The following ZNF518A variants were observed in gnomAD, a reference collection of about 807,000 sequenced individuals.
ZNF518A encodes zinc finger protein 518.
Under a neutral mutation model 102.7 loss-of-function variants are expected in ZNF518A, and 47 were observed. The observed-to-expected ratio is 0.46, with a 90% CI of 0.36 to 0.58. The LOEUF (loss-of-function observed/expected upper bound fraction) is 0.58. Among genes scored for constraint, ZNF518A ranks in the 20% least tolerant of loss-of-function variants. The probability of loss-of-function intolerance (pLI) is 0.00; values close to 1 mark genes in which losing one functional copy is unlikely to be tolerated. For synonymous variants in ZNF518A, 652 were observed against 594.6 expected (o/e 1.10, Z -1.40); for missense variants, 1,793 against 1,699.8 (o/e 1.05, Z -0.96).
chr10:96,160,277 C>T lies in ZNF518A; in HGVS notation c.3955C>T (p.Leu1319Phe). Residue 1319 changes from leucine (L) to phenylalanine (F), a missense_variant, in exon 6 of 6, where the codon CTT (leucine) becomes TTT (phenylalanine). Transcript: ENST00000316045. Reference sequence around the variant, plus strand: ...AACATTTGGATTTAGCAGACCTAGGCTTTCAAAAGATTCCATCAGAACTTT... The same window carrying T: ...AACATTTGGATTTAGCAGACCTAGGTTTTCAAAAGATTCCATCAGAACTTT... ...RETFGFSRPR[L>F]SKDSIRTLRL... is the part of the protein sequence containing the mutation. The T allele has an allele frequency of 2.5e-6, 4 of 1,613,590 alleles. No homozygotes were observed. Among genetic ancestry groups the T allele is most frequent in the Non-Finnish European group, 3.4e-6 (4 of 1,179,690 alleles).
At chr10:96,167,529 A>G (rs975590700), downstream of ZNF518A, among the ~76,000 whole-genome samples, 1 of 152,214 alleles carries the variant, frequency 6.6e-6, no homozygotes, top group Non-Finnish European at 1.5e-5. Flanking sequence ...TGTCTCACCA[A>G]GTAGAGAACA....
intron 1 of ZNF518A, among the ~76,000 whole-genome samples, chr10:96,182,407 G>A (rs370354305): frequency 4.6e-5 from 7 of 152,310 alleles, no homozygotes; most frequent in East Asian, 3.9e-4. Flanking sequence ...CCTGTCTTGT[G>A]CCAGTTTTCA....
downstream of ZNF518A, chr10:96,204,389 C>T (rs1178916985): frequency 1.2e-5 from 12 of 1,009,002 alleles, no homozygotes; most frequent in Middle Eastern, 2.0e-4. Context: ...TGCTCAACAC[C>T]TTTTAACACG....
chr10:96,170,393 C>T (rs2083166721), intron 1 of ZNF518A, among the ~76,000 whole-genome samples: 1 of 152,130 alleles, frequency 6.6e-6, no homozygotes, highest in African/African-American at 2.4e-5. Flanking sequence ...TTCCAGGGAG[C>T]CACCAGACAG....
chr10:96,156,144 C>G (rs587741686), intron 5 of ZNF518A, 53 bp from the exon 6 acceptor site: 7 of 469,506 alleles, frequency 1.5e-5, no homozygotes, highest in African/African-American at 4.0e-5. Flanking sequence ...CTTACAGATA[C>G]GAATTTACTA....
At chr10:96,186,121 G>A (rs1246703151) in intron 1 of ZNF518A, among the ~76,000 whole-genome samples, 1 of 152,206 alleles carries the variant, frequency 6.6e-6, no homozygotes, top group Non-Finnish European at 1.5e-5. Flanking sequence ...TCCTGGTACA[G>A]TCTGTCACAG....
At position 96,156,612 on chromosome 10, in the gene ZNF518A, C is replaced by T; in HGVS notation, c.290C>T (p.Thr97Ile). 6.2e-7 allele frequency: 1 copy of T among 1,613,648 alleles called. No homozygotes were observed. The highest frequency in any genetic ancestry group is 1.1e-5 in the South Asian group (1 of 91,076). ...ACTGTAAGCTGTGTAGAGGAGTGTA[C>T]ATTGCTTCATAAGTCTGAGAGAGCT... The part of the protein sequence containing the change: ...IKTVSCVEEC[T>I]LLHKSERAEE... Residue 97 changes from threonine (T) to isoleucine (I), a missense_variant, in exon 6 of 6, where the codon ACA becomes ATA. Around this residue, in one of 3 missense-constraint regions of ZNF518A, gnomAD observed 1,741 missense variants for 1,622.6 expected, o/e 1.07. Transcript: ENST00000316045.
At chr10:96,142,346 G>A (rs1285423439) in intron 3 of ZNF518A, among the ~76,000 whole-genome samples, 1 of 138,506 alleles carries the variant, frequency 7.2e-6, no homozygotes, top group African/African-American at 2.9e-5. Flanking sequence ...GTGTGTGTGT[G>A]TGTGTGTGTT....
Position 96,159,173 on chromosome 10 carries a change from C to T in ZNF518A, c.2851C>T (p.Pro951Ser), listed in dbSNP as rs782101968. 1 of 1,613,734 alleles carries T rather than the reference C, an allele frequency of 6.2e-7. No individual in the cohort carries two copies. Among genetic ancestry groups the T allele is most frequent in the South Asian group, 1.1e-5 (1 of 91,052 alleles). Residue 951 changes from proline (P) to serine (S), a missense_variant, in exon 6 of 6, where the codon CCA becomes TCA. Physicochemically the swap from Pro to Ser is moderately conservative, Grantham distance 74. Around this residue, in one of 3 missense-constraint regions of ZNF518A, gnomAD observed 1,741 missense variants for 1,622.6 expected, o/e 1.07. Coordinates refer to ENST00000316045, the MANE Select transcript of ZNF518A (RefSeq NM_001330736.2). ...PLNITNKPGL[P>S]VIPGNALPLV... ...GAACATTACTAACAAGCCTGGGCTA[C>T]CAGTTATTCCTGGAAATGCACTTCC...
intron 1 of ZNF518A, among the ~76,000 whole-genome samples, chr10:96,178,687 A>G (rs919386904): frequency 6.6e-6 from 1 of 152,062 alleles, no homozygotes; most frequent in African/African-American, 2.4e-5. Context: ...AAAGGTCAAT[A>G]AAATTGATAA....
At chr10:96,167,589 A>G (rs1251124830), downstream of ZNF518A, among the ~76,000 whole-genome samples, 3 of 152,210 alleles carry the variant, frequency 2.0e-5, no homozygotes, top group African/African-American at 7.2e-5. Flanking sequence ...CTGGAGTTGA[A>G]AAGTACAATA....
At chr10:96,150,600 C>T (rs2082391196) in intron 3 of ZNF518A, among the ~76,000 whole-genome samples, 1 of 150,094 alleles carries the variant, frequency 6.7e-6, no homozygotes, top group Admixed American at 6.6e-5. Context: ...CATTATTCCT[C>T]CCGCATCTAC....
At chr10:96,204,096 A>G in exon 3 of ZNF518A, 1 of 1,613,834 alleles carries the variant, frequency 6.2e-7, no homozygotes, top group Non-Finnish European at 8.5e-7. Context: ...TGTCTGCAAG[A>G]AAGAATTTCA....
rs1292373641 is a variant in ZNF518A, at chr10:96,130,384, C to T, written c.-821C>T. 1.3e-5 allele frequency among the ~76,000 whole-genome samples: 2 copies of T among 152,224 alleles called. No homozygotes were observed. The highest frequency in any genetic ancestry group is 2.4e-5 in the African/African-American group (1 of 41,458). ...CTAGAGCTTACCCTTACTTTCTTAA[C>T]CTGGGGTTGTTTTACTTCCGGGCTT... On this transcript the variant is annotated 5_prime_UTR_variant, in exon 1 of 6. Transcript: ENST00000316045.
In ZNF518A at chr10:96,157,605, T is replaced by A; in HGVS notation, c.1283T>A (p.Met428Lys). Residue 428 changes from methionine (M) to lysine (K), a missense_variant, in exon 6 of 6, where the codon ATG becomes AAG. Physicochemically the swap from Met to Lys is moderately conservative, Grantham distance 95. Transcript: ENST00000316045. ...AVLGPTLKNV[M>K]MKNNKLAVSP... ...CTAGGACCTACACTGAAAAATGTAA[T>A]GATGAAAAATAATAAACTAGCAGTT... 3.1e-6 allele frequency: 5 copies of A among 1,613,830 alleles called. No individual in the cohort carries two copies. Among genetic ancestry groups the A allele is most frequent in the Non-Finnish European group, 4.2e-6 (5 of 1,179,796 alleles).
chr10:96,142,472 CAGA>C (rs1192166214), intron 3 of ZNF518A, among the ~76,000 whole-genome samples: 1 of 151,970 alleles, frequency 6.6e-6, no homozygotes, highest in East Asian at 1.9e-4. Context: ...CCTGTATCTG[CAGA>C]AGAAGGATTG....
In ZNF518A at chr10:96,158,857, T is replaced by A; in HGVS notation, c.2535T>A (p.Ser845Arg). Residue 845 changes from serine (S) to arginine (R), a missense_variant, in exon 6 of 6, where the codon AGT (serine) becomes AGA (arginine). Physicochemically the swap from Ser to Arg is moderately radical, Grantham distance 110. Around this residue, in one of 3 missense-constraint regions of ZNF518A, gnomAD observed 1,741 missense variants for 1,622.6 expected, o/e 1.07. Transcript: ENST00000316045. ...VQGIFPVPPGSVGINVPTNDL... is the reference protein window; with the variant it reads ...VQGIFPVPPGRVGINVPTNDL... ...GCATCTTCCCAGTTCCACCTGGCAG[T>A]GTGGGTATTAATGTGCCTACAAATG... 1 of 1,613,788 alleles carries A rather than the reference T, an allele frequency of 6.2e-7. No homozygotes were observed.
At chr10:96,165,441 A>T (rs77692259), downstream of ZNF518A, among the ~76,000 whole-genome samples, 71 of 149,400 alleles carry the variant, frequency 4.8e-4, no homozygotes, top group African/African-American at 1.7e-3. Context: ...GCACAAAATA[A>T]TACAAGCCTG....
At chr10:96,190,253 G>A in intron 1 of ZNF518A, 1 of 732,214 alleles carries the variant, frequency 1.4e-6, no homozygotes. Flanking sequence ...GGGAGAGAAA[G>A]CAGACGGAGA....
Sources: allele counts gnomAD v4.1 joint callset (sites outside exome capture counted in the v4.1 genomes callset), GRCh38; gene constraint gnomAD v4.1.1; regional missense constraint gnomAD v4.1.1; transcripts MANE v1.5; gene names NCBI Gene and HGNC (gene_info 2026-07-23, HGNC 2026-07-21).